The following CDH17 variants were observed in gnomAD, a reference collection of about 807,000 sequenced individuals.
CDH17 encodes the protein cadherin 17.
Under a neutral mutation model 86.3 loss-of-function variants are expected in CDH17, and 67 were observed. That is an observed-to-expected ratio of 0.78 (90% CI 0.64 to 0.95). The LOEUF (loss-of-function observed/expected upper bound fraction) is 0.95. Ranked by LOEUF, CDH17 falls within the 40% of genes least tolerant of loss-of-function variation. The pLI is 0.00. For missense variants in CDH17, 993 were observed against 1,017.6 expected (o/e 0.98, Z 0.33); for synonymous variants, 367 against 366.4 (o/e 1.00, Z -0.02).
At position 94,174,144 on chromosome 8, in the gene CDH17, G is replaced by A; in HGVS notation, c.541C>T (p.Gln181Ter). ...ATGGCTCCCGTTTTGTTGTTGATCT[G>A]AAAGTACATGACATTGTTGATCATG... ...LPMINNVMYF[Q>*]INNKTGAISL... Residue 181 changes from glutamine to a stop codon, truncating the protein, a stop_gained, in exon 6 of 18, where the codon CAG becomes TAG. Coordinates refer to ENST00000027335, the MANE Select transcript of CDH17 (RefSeq NM_004063.4). LOFTEE classifies it high-confidence loss of function. 1 of 1,613,808 alleles carries A rather than the reference G, an allele frequency of 6.2e-7. No individual in the cohort carries two copies. The highest frequency in any genetic ancestry group is 8.5e-7 in the Non-Finnish European group (1 of 1,179,808).
At chr8:94,168,749 G>A (rs2130633316) in intron 9 of CDH17, among the ~76,000 whole-genome samples, 1 of 152,216 alleles carries the variant, frequency 6.6e-6, no homozygotes, top group South Asian at 2.1e-4. Context: ...TCCCAGATGA[G>A]GTAGGCGCCT....
chr8:94,148,710 C>CT, intron 14 of CDH17, 34 bp downstream of exon 14: 1 of 1,442,632 alleles, frequency 6.9e-7, no homozygotes, highest in Non-Finnish European at 9.1e-7. Context: ...AATCTGTGTT[C>CT]CTTTTTTTTT....
In CDH17 at chr8:94,200,018, G is replaced by A. The variant is rs113040216; in HGVS notation, c.-20-5313C>T. On this transcript the variant is annotated intron_variant, in intron 1 of 17. Coordinates refer to ENST00000027335, the MANE Select transcript of CDH17 (RefSeq NM_004063.4). ...CTCTTCACAATTCCCAACTTTTGGT[G>A]GCCCACTAATGAAAATATTCTAAAA... Among the ~76,000 whole-genome samples the A allele has an allele frequency of 4.1e-3, 630 of 152,228 alleles. 3 individuals are homozygous for A. Among genetic ancestry groups the A allele is most frequent in the African/African-American group, 0.014 (574 of 41,512 alleles).
chr8:94,174,638 G>A (rs1428868778), intron 5 of CDH17, among the ~76,000 whole-genome samples: 1 of 152,160 alleles, frequency 6.6e-6, no homozygotes, highest in Admixed American at 6.5e-5. Context: ...TATTGAGTTT[G>A]GGTATAGTAC....
upstream of CDH17, among the ~76,000 whole-genome samples, chr8:94,209,943 G>GTA (rs1814094207): frequency 8.0e-5 from 12 of 150,878 alleles, no homozygotes; most frequent in Admixed American, 4.0e-4. Context: ...CAAAAATAAA[G>GTA]TGCATATGTA....
At position 94,150,377 on chromosome 8, in the gene CDH17, G is replaced by C. The variant is rs886479808; in HGVS notation, c.1796+1491C>G. ...AGCAGGCTGGAAGCAGGGAGAAGCA[G>C]GTGGATTCTGAATATATTTCAATAA... On this transcript the variant is annotated intron_variant, in intron 13 of 17. Coordinates refer to ENST00000027335, the MANE Select transcript of CDH17 (RefSeq NM_004063.4). Among the ~76,000 whole-genome samples the C allele has an allele frequency of 6.6e-5, 10 of 152,232 alleles. No homozygotes were observed. In the Middle Eastern group the frequency reaches 0.01, roughly 155 times the overall value.
intron 17 of CDH17, 129 bp from the exon 18 acceptor site, chr8:94,128,469 T>G: frequency 1.6e-6 from 1 of 635,748 alleles, no homozygotes; most frequent in East Asian, 2.7e-5. Context: ...TCAACAAAAT[T>G]TCACTGTCCT....
At chr8:94,148,906 T>A (rs1812805251) in intron 13 of CDH17, 32 bp from the exon 14 acceptor site, 3 of 1,572,494 alleles carry the variant, frequency 1.9e-6, no homozygotes. Context: ...AAAGAAAGCC[T>A]GCATTACTTT....
intron 12 of CDH17, 83 bp downstream of exon 12, chr8:94,159,888 C>A: frequency 9.6e-7 from 1 of 1,041,160 alleles, no homozygotes; most frequent in Admixed American, 2.5e-5. Flanking sequence ...AATACATCAC[C>A]TCTGCTTATA....
chr8:94,148,541 CAAAAAAAAAA>C (rs59942237), intron 14 of CDH17, among the ~76,000 whole-genome samples, 193 bp downstream of exon 14: 2,597 of 29,148 alleles, frequency 0.089, 89 homozygotes, highest in African/African-American at 0.23. Flanking sequence ...GACTCCATCT[CAAAAAAAAAA>C]AAAAAAAAAA....
At chr8:94,181,993 A>G (rs1022758802) in intron 3 of CDH17, among the ~76,000 whole-genome samples, 1 of 152,122 alleles carries the variant, frequency 6.6e-6, no homozygotes, top group Non-Finnish European at 1.5e-5. Context: ...TAAAGAGAAT[A>G]TTGTGAACAA....
upstream of CDH17, among the ~76,000 whole-genome samples, chr8:94,210,725 T>C (rs183320094): frequency 2.1e-4 from 32 of 152,108 alleles, no homozygotes; most frequent in Non-Finnish European, 4.1e-4. Context: ...ATTTATAGGA[T>C]GAAAACAACT....
intron 13 of CDH17, among the ~76,000 whole-genome samples, chr8:94,149,104 C>T (rs555489262): frequency 6.6e-6 from 1 of 152,232 alleles, no homozygotes; most frequent in Admixed American, 6.5e-5. Flanking sequence ...TTTCATCTGT[C>T]TTCAAAAGGA....
intron 13 of CDH17, among the ~76,000 whole-genome samples, chr8:94,151,392 G>A (rs1008425479): frequency 6.6e-6 from 1 of 152,168 alleles, no homozygotes; most frequent in Non-Finnish European, 1.5e-5. Flanking sequence ...GCTCTTTGGA[G>A]CCAAGGAACC....
intron 10 of CDH17, among the ~76,000 whole-genome samples, chr8:94,165,039 T>TC (rs1813126402): frequency 6.6e-6 from 1 of 152,154 alleles, no homozygotes; most frequent in Admixed American, 6.5e-5. Flanking sequence ...GATGCTCTTC[T>TC]CCTCCACTTT....
intron 1 of CDH17, among the ~76,000 whole-genome samples, chr8:94,196,165 T>C (rs1417466150): frequency 3.3e-5 from 5 of 152,226 alleles, no homozygotes; most frequent in African/African-American, 7.2e-5. Context: ...TCTTATTCTT[T>C]AAAGTTTTTC....
intron 12 of CDH17, among the ~76,000 whole-genome samples, chr8:94,155,756 T>C (rs1264108386): frequency 6.6e-6 from 1 of 151,762 alleles, no homozygotes; most frequent in East Asian, 1.9e-4. Flanking sequence ...AGCAGCTACA[T>C]GGGGGATGGA....
chr8:94,134,907 T>C (rs1044512009), intron 15 of CDH17, among the ~76,000 whole-genome samples: 3 of 152,330 alleles, frequency 2.0e-5, no homozygotes, highest in African/African-American at 7.2e-5. Flanking sequence ...TCTGCCTTCA[T>C]TTCGTTATTT....
chr8:94,148,121 A>G (rs1812780953), intron 14 of CDH17, among the ~76,000 whole-genome samples: 1 of 152,238 alleles, frequency 6.6e-6, no homozygotes, highest in South Asian at 2.1e-4. Flanking sequence ...ACCCACAACC[A>G]CATTGGAAGA....
Sources: allele counts gnomAD v4.1 joint callset (sites outside exome capture counted in the v4.1 genomes callset), GRCh38; gene constraint gnomAD v4.1.1; transcripts MANE v1.5; gene names NCBI Gene and HGNC (gene_info 2026-07-23, HGNC 2026-07-21).